FAM135B: variants seen among roughly 807,000 people sequenced by gnomAD.
FAM135B encodes the protein family with sequence similarity 135 member B.
Under a neutral mutation model 127.7 loss-of-function variants are expected in FAM135B, and 43 were observed. The observed-to-expected ratio is 0.34, with a 90% confidence interval of 0.26 to 0.43. FAM135B has a LOEUF of 0.43. Ranked by LOEUF, FAM135B falls within the 20% of genes least tolerant of loss-of-function variation. FAM135B has a pLI of 1.00. For synonymous variants in FAM135B, 670 were observed against 665.1 expected (o/e 1.01, Z -0.11); for missense variants, 1,558 against 1,725.6 (o/e 0.90, Z 1.72).
intron 1 of FAM135B, among the ~76,000 whole-genome samples, chr8:138,369,824 C>T (rs1358704357): frequency 6.6e-6 from 1 of 152,178 alleles, no homozygotes; most frequent in Non-Finnish European, 1.5e-5. Flanking sequence ...TTCTCATCAC[C>T]CCACTCAGTC....
chr8:138,350,505 C>G (rs1051944704), intron 2 of FAM135B, among the ~76,000 whole-genome samples: 1 of 151,964 alleles, frequency 6.6e-6, no homozygotes, highest in Non-Finnish European at 1.5e-5. Flanking sequence ...ACAACACACA[C>G]ACACACACAC....
At chr8:138,389,494 G>T (rs1323562504) in intron 1 of FAM135B, among the ~76,000 whole-genome samples, 1 of 152,306 alleles carries the variant, frequency 6.6e-6, no homozygotes, top group East Asian at 1.9e-4. Flanking sequence ...GCCATCAAAA[G>T]TGTGAAGTTT....
chr8:138,349,284 C>T (rs1166752967), intron 2 of FAM135B, among the ~76,000 whole-genome samples: 1 of 152,194 alleles, frequency 6.6e-6, no homozygotes, highest in Non-Finnish European at 1.5e-5. Context: ...GGAAGGGAAA[C>T]TCCATGCCTT....
At chr8:138,386,096 A>G (rs933096341) in intron 1 of FAM135B, among the ~76,000 whole-genome samples, 1 of 151,952 alleles carries the variant, frequency 6.6e-6, no homozygotes, top group African/African-American at 2.4e-5. Context: ...CGCACCTGTA[A>G]TCTCAGCTAC....
At chr8:138,226,815 G>A (rs1240851413) in intron 7 of FAM135B, among the ~76,000 whole-genome samples, 4 of 152,176 alleles carry the variant, frequency 2.6e-5, no homozygotes, top group Admixed American at 6.5e-5. Flanking sequence ...GCCCACCTCA[G>A]CCTCCCAAAG....
chr8:138,387,510 G>T (rs1268457063), intron 1 of FAM135B, among the ~76,000 whole-genome samples: 1 of 152,086 alleles, frequency 6.6e-6, no homozygotes, highest in Non-Finnish European at 1.5e-5. Context: ...GAAAGAAGAT[G>T]ACCTAACATC....
chr8:138,135,043 G>T (rs1816521763), intron 19 of FAM135B, among the ~76,000 whole-genome samples: 1 of 152,172 alleles, frequency 6.6e-6, no homozygotes, highest in South Asian at 2.1e-4. Context: ...GGCTTTCCAG[G>T]ACGCGCAGTG....
chr8:138,171,797 A>G (rs1434536658), intron 11 of FAM135B, among the ~76,000 whole-genome samples: 1 of 152,154 alleles, frequency 6.6e-6, no homozygotes, highest in African/African-American at 2.4e-5. Context: ...CCAGGCAGGG[A>G]GTCCGTGAGA....
intron 1 of FAM135B, among the ~76,000 whole-genome samples, chr8:138,421,514 TA>T (rs1834509887): frequency 6.6e-6 from 1 of 151,914 alleles, no homozygotes; most frequent in Non-Finnish European, 1.5e-5. Context: ...GAGAACCAAA[TA>T]AAAAATGCAA....
intron 19 of FAM135B, among the ~76,000 whole-genome samples, chr8:138,133,886 C>T (rs113689586): frequency 1.3e-5 from 2 of 152,156 alleles, no homozygotes; most frequent in African/African-American, 4.8e-5. Context: ...CTTTTCCCCC[C>T]CTTCTTAGGG....
chr8:138,183,431 A>T (rs553963829), intron 9 of FAM135B, among the ~76,000 whole-genome samples: 1 of 152,284 alleles, frequency 6.6e-6, no homozygotes, highest in South Asian at 2.1e-4. Context: ...CATGCTGTGT[A>T]GACCTGCATG....
intron 11 of FAM135B, among the ~76,000 whole-genome samples, chr8:138,177,117 A>G (rs1175694143): frequency 6.6e-6 from 1 of 152,142 alleles, no homozygotes; most frequent in Non-Finnish European, 1.5e-5. Context: ...CTACAAAACC[A>G]TGATACTCAA....
rs869039075 is a variant in FAM135B, at chr8:138,344,577, CTTTTT to C, written c.77+23325_77+23329del. ...GTCTCTTGCTACACTTTCTTTCTTTCTTTTTTTTTTTTTTTTGTTAAGGAGTCTCG... is the reference window on the plus strand; with the variant it reads ...GTCTCTTGCTACACTTTCTTTCTTTCTTTTTTTTTTTGTTAAGGAGTCTCG... On this transcript the variant is annotated intron_variant, in intron 2 of 19. Coordinates refer to ENST00000395297, the MANE Select transcript of FAM135B (RefSeq NM_015912.4). 9.5e-5 allele frequency among the ~76,000 whole-genome samples: 8 copies of C among 83,944 alleles called. No homozygotes were observed. The South Asian group carries it at 1.6e-3, about 17-fold the overall frequency. 55.1% of individuals were successfully genotyped at this position (83,944 alleles called of 152,430 possible).
At chr8:138,220,375 C>T (rs990509483) in intron 7 of FAM135B, among the ~76,000 whole-genome samples, 3 of 152,130 alleles carry the variant, frequency 2.0e-5, no homozygotes, top group East Asian at 1.9e-4. Flanking sequence ...GAAGGTCCTA[C>T]GCATCAACTG....
At chr8:138,391,295 A>T (rs2131327311) in intron 1 of FAM135B, among the ~76,000 whole-genome samples, 1 of 152,166 alleles carries the variant, frequency 6.6e-6, no homozygotes, top group Non-Finnish European at 1.5e-5. Context: ...CCCATTTTAC[A>T]GAGGAGGATC....
At chr8:138,193,899 G>A (rs571530279) in intron 9 of FAM135B, among the ~76,000 whole-genome samples, 3 of 152,310 alleles carry the variant, frequency 2.0e-5, no homozygotes, top group East Asian at 1.9e-4. Flanking sequence ...TTAAACCCAC[G>A]CCAGCATGGC....
chr8:138,419,080 A>G (rs1834337978), intron 1 of FAM135B, among the ~76,000 whole-genome samples: 2 of 152,196 alleles, frequency 1.3e-5, no homozygotes. Context: ...AGAAGCAAGA[A>G]GACCAAACTG....
intron 7 of FAM135B, among the ~76,000 whole-genome samples, chr8:138,212,672 A>G (rs1258753210): frequency 6.6e-6 from 1 of 152,246 alleles, no homozygotes; most frequent in African/African-American, 2.4e-5. Context: ...GAATCTATCT[A>G]TTAAAACATT....
At chr8:138,206,303 C>T (rs1586769879) in intron 7 of FAM135B, among the ~76,000 whole-genome samples, 1 of 151,024 alleles carries the variant, frequency 6.6e-6, no homozygotes, top group South Asian at 2.1e-4. Flanking sequence ...CTATCATCCC[C>T]TCCACCTACC....
Sources: gnomAD v4.1 joint callset for allele counts (sites outside exome capture counted in the v4.1 genomes callset) on GRCh38, gnomAD v4.1.1 for gene constraint, MANE v1.5 for transcripts, NCBI Gene and HGNC (gene_info 2026-07-23, HGNC 2026-07-21) for gene names.